Variants in SULF1 observed in about 807,000 individuals in gnomAD.
The protein encoded by SULF1 is extracellular sulfatase Sulf-1.
In SULF1, 46 loss-of-function variants were observed where a neutral mutation model predicts 110.5. The ratio of observed to expected loss-of-function variants is 0.42; its 90% confidence interval spans 0.33 to 0.53. The LOEUF is 0.53. Ranked by LOEUF, SULF1 falls within the 20% of genes least tolerant of loss-of-function variation. The pLI, the probability that SULF1 is intolerant of heterozygous loss-of-function variation, is 0.12. For synonymous variants in SULF1, 371 were observed against 387.1 expected (o/e 0.96, Z 0.49); for missense variants, 941 against 1,094.2 (o/e 0.86, Z 1.98).
intron 1 of SULF1, among the ~76,000 whole-genome samples, chr8:69,468,906 A>C (rs560409650): frequency 6.6e-6 from 1 of 152,342 alleles, no homozygotes; most frequent in South Asian, 2.1e-4. Flanking sequence ...TACATCCCTG[A>C]TGTTGCAGAT....
upstream of SULF1, among the ~76,000 whole-genome samples, chr8:69,488,711 C>T (rs892047493): frequency 6.6e-6 from 1 of 151,894 alleles, no homozygotes; most frequent in East Asian, 1.9e-4. Flanking sequence ...ATACACAGCA[C>T]CCAACAGTGG....
chr8:69,486,910 C>T (rs559503161), intron 1 of SULF1, among the ~76,000 whole-genome samples: 14 of 152,308 alleles, frequency 9.2e-5, no homozygotes, highest in East Asian at 3.9e-4. Context: ...AAGGCATGCG[C>T]GCACTTACTT....
At chr8:69,647,049 A>T (rs758573028) in intron 22 of SULF1, among the ~76,000 whole-genome samples, 1 of 150,136 alleles carries the variant, frequency 6.7e-6, no homozygotes, top group Non-Finnish European at 1.5e-5. Context: ...GGTTCAAGCA[A>T]TTCCCCTGCC....
intron 1 of SULF1, among the ~76,000 whole-genome samples, chr8:69,483,001 A>G (rs1025826421): frequency 2.6e-5 from 4 of 152,246 alleles, no homozygotes; most frequent in South Asian, 4.1e-4. Flanking sequence ...ACAGTATATT[A>G]TATTTACATA....
At chr8:69,633,093 A>G (rs940498322) in intron 19 of SULF1, among the ~76,000 whole-genome samples, 2 of 152,178 alleles carry the variant, frequency 1.3e-5, no homozygotes, top group African/African-American at 4.8e-5. Flanking sequence ...ATAAACGTTT[A>G]AAAAAGAGTT....
rs1206467816 is a variant in SULF1 at position 69,564,095 on chromosome 8, C to G, written c.120C>G (p.Asn40Lys). 1 of 1,614,192 alleles carries G rather than the reference C, an allele frequency of 6.2e-7. No individual in the cohort carries two copies. Residue 40 changes from asparagine (N) to lysine (K), a missense_variant, in exon 5 of 23, where the codon AAC becomes AAG. By Grantham distance (94) the Asn-to-Lys change is moderately conservative (BLOSUM62 0). Around this residue, in one of 3 missense-constraint regions of SULF1, gnomAD observed 822 missense variants for 934.3 expected, o/e 0.88. Transcript: ENST00000402687. ...FRGRIQQERK[N>K]IRPNIILVLT... ...GACGGATACAGCAGGAACGAAAAAACATCCGACCCAACATTATTCTTGTGC... is the reference window on the plus strand; with the variant it reads ...GACGGATACAGCAGGAACGAAAAAAGATCCGACCCAACATTATTCTTGTGC...
chr8:69,601,813 G>A lies in SULF1; in HGVS notation c.1045G>A (p.Val349Ile). Residue 349 changes from valine to isoleucine, a missense_variant, in exon 10 of 23, where the codon GTA becomes ATA. Val to Ile is a conservative substitution (Grantham distance 29). Coordinates refer to ENST00000402687, the MANE Select transcript of SULF1 (RefSeq NM_001128205.2). ...GCCTTTTTTTATTCGTGGTCCAAGT[G>A]TAGAACCAGGATCAATGTACGTATT... is the stretch of plus-strand genomic sequence containing the variant. ...RVPFFIRGPS[V>I]EPGSIVPQIV... 2 of 1,610,804 alleles carry A rather than the reference G, an allele frequency of 1.2e-6. No individual in the cohort carries two copies. The highest frequency in any genetic ancestry group is 2.2e-5 in the South Asian group (2 of 90,322).
chr8:69,476,132 T>C (rs1176137967), intron 1 of SULF1, among the ~76,000 whole-genome samples: 1 of 152,154 alleles, frequency 6.6e-6, no homozygotes, highest in African/African-American at 2.4e-5. Context: ...CAAACCTTCA[T>C]ATTCTACCTT....
At chr8:69,598,619 T>C (rs1019901151) in intron 8 of SULF1, among the ~76,000 whole-genome samples, 1 of 152,172 alleles carries the variant, frequency 6.6e-6, no homozygotes, top group Non-Finnish European at 1.5e-5. Context: ...CTCGAACTCC[T>C]GACCTCAGGT....
intron 1 of SULF1, among the ~76,000 whole-genome samples, chr8:69,475,905 A>T (rs77086990): frequency 0.12 from 18,095 of 152,108 alleles, 1,513 homozygotes; most frequent in East Asian, 0.48. Context: ...TTAAAAAAAA[A>T]TTTTCTCAGA....
chr8:69,496,834 G>C (rs747164927), intron 2 of SULF1, among the ~76,000 whole-genome samples: 1 of 152,198 alleles, frequency 6.6e-6, no homozygotes, highest in Non-Finnish European at 1.5e-5. Context: ...TGGATAGTTC[G>C]CAGCTGTGAA....
At chr8:69,490,292 G>T (rs922558531), upstream of SULF1, among the ~76,000 whole-genome samples, 5 of 151,738 alleles carry the variant, frequency 3.3e-5, no homozygotes, top group Non-Finnish European at 5.9e-5. Flanking sequence ...TTGCAGAGAC[G>T]GGGTTTCATC....
At chr8:69,631,111 G>T (rs745770603) in intron 19 of SULF1, among the ~76,000 whole-genome samples, 1 of 152,138 alleles carries the variant, frequency 6.6e-6, no homozygotes, top group African/African-American at 2.4e-5. Flanking sequence ...AGAGAGAAGC[G>T]ATCCCTGTGG....
At chr8:69,507,844 G>A (rs1173117673) in intron 3 of SULF1, among the ~76,000 whole-genome samples, 1 of 152,084 alleles carries the variant, frequency 6.6e-6, no homozygotes, top group Admixed American at 6.6e-5. Context: ...GGATTACAGT[G>A]GAAATTCATA....
chr8:69,595,568 G>A lies in SULF1; in HGVS notation c.735-5035G>A, dbSNP rs192149932. Among the ~76,000 whole-genome samples, 75 of 152,306 alleles carry A rather than the reference G, an allele frequency of 4.9e-4. 1 individual carries two copies. The highest frequency in any genetic ancestry group is 2.0e-3 in the Admixed American group (30 of 15,304). On this transcript the variant is annotated intron_variant, in intron 8 of 22. Transcript: ENST00000402687. ...GAGATGGTGCAGCTTGAGAGATTAA[G>A]TGTAGAATTTCCAATGTAATGCTTT... is the stretch of plus-strand genomic sequence containing the variant.
At chr8:69,538,630 T>C (rs1022987036) in intron 3 of SULF1, among the ~76,000 whole-genome samples, 1 of 152,240 alleles carries the variant, frequency 6.6e-6, no homozygotes, top group Non-Finnish European at 1.5e-5. Context: ...AGTCCTGTCA[T>C]GTCAAACCTT....
At chr8:69,498,113 C>A (rs866096174) in intron 2 of SULF1, among the ~76,000 whole-genome samples, 83 of 148,724 alleles carry the variant, frequency 5.6e-4, no homozygotes, top group South Asian at 2.1e-3. Flanking sequence ...CTCTCTCTCT[C>A]CACACACACA....
intron 5 of SULF1, among the ~76,000 whole-genome samples, chr8:69,574,097 G>A (rs773278332): frequency 7.2e-5 from 11 of 152,268 alleles, no homozygotes; most frequent in East Asian, 1.9e-4. Context: ...CAACTGCAAC[G>A]CCTCTCGAGG....
intron 2 of SULF1, among the ~76,000 whole-genome samples, chr8:69,499,993 C>T (rs1810680928): frequency 6.6e-6 from 1 of 152,106 alleles, no homozygotes; most frequent in Admixed American, 6.5e-5. Flanking sequence ...CTCAAGCAAT[C>T]CTCCCATCTC....
Sources: gnomAD v4.1 joint callset for allele counts (sites outside exome capture counted in the v4.1 genomes callset) on GRCh38, gnomAD v4.1.1 for gene constraint, gnomAD v4.1.1 regional missense constraint, MANE v1.5 for transcripts, NCBI Gene and HGNC (gene_info 2026-07-23, HGNC 2026-07-21) for gene names.